Variants in NTNG1 observed in about 807,000 individuals in gnomAD.
NTNG1 encodes netrin G1.
A neutral mutation model predicts 54.0 loss-of-function variants in NTNG1; 16 were observed. The ratio of observed to expected loss-of-function variants is 0.30; its 90% confidence interval spans 0.20 to 0.45. The LOEUF is 0.45. NTNG1 is among the 20% of genes least tolerant of loss of function. NTNG1 has a pLI of 1.00. For synonymous variants in NTNG1, 255 were observed against 263.1 expected, an observed-to-expected ratio of 0.97 and a Z score of 0.30; for missense variants, 530 against 678.7, an observed-to-expected ratio of 0.78 and a Z score of 2.43.
chr1:107,206,138 T>C (rs1362973105), intron 2 of NTNG1, among the ~76,000 whole-genome samples: 1 of 152,082 alleles, frequency 6.6e-6, no homozygotes, highest in African/African-American at 2.4e-5. Flanking sequence ...GTCTAATTGC[T>C]GGGTCATAAT....
intron 3 of NTNG1, among the ~76,000 whole-genome samples, chr1:107,390,201 T>C (rs751182102): frequency 2.6e-5 from 4 of 152,124 alleles, no homozygotes; most frequent in South Asian, 4.1e-4. Context: ...AGCACAGCAA[T>C]TGTTACACTG....
At position 107,148,401 on chromosome 1, in the gene NTNG1, A is replaced by C. The variant is rs1654295536; in HGVS notation, c.-193A>C. ...AAGTCCTCAATATACCTGAATACGCACAATATCTTAACTCTTCATATTTGG... is the reference window on the plus strand; with the variant it reads ...AAGTCCTCAATATACCTGAATACGCCCAATATCTTAACTCTTCATATTTGG... On this transcript the variant is annotated 5_prime_UTR_variant, in exon 2 of 8. Coordinates refer to ENST00000370068, the MANE Select transcript of NTNG1 (RefSeq NM_001113226.3). The C allele has an allele frequency of 1.7e-6, 1 of 575,180 alleles. No homozygotes were observed. The highest frequency in any genetic ancestry group is 3.1e-5 in the Admixed American group (1 of 32,410). The allele number at this position is 575,180 out of a possible 1,614,324, so 35.6% of individuals were successfully genotyped here.
At chr1:107,141,894 A>C (rs1295583830) in intron 1 of NTNG1, among the ~76,000 whole-genome samples, 2 of 152,192 alleles carry the variant, frequency 1.3e-5, no homozygotes, top group East Asian at 3.9e-4. Context: ...AGCAAACAAA[A>C]AAAACAAAAA....
intron 3 of NTNG1, among the ~76,000 whole-genome samples, chr1:107,392,024 A>G (rs10494069): frequency 0.44 from 66,262 of 151,946 alleles, 14,919 homozygotes; most frequent in Middle Eastern, 0.53. Flanking sequence ...GGTACAATTT[A>G]CTAAGAAAGC....
chr1:107,212,130 G>GT lies in NTNG1; in HGVS notation c.246+63292dup, dbSNP rs1659636863. 2.6e-5 allele frequency among the ~76,000 whole-genome samples: 4 copies of GT among 152,282 alleles called. 1 individual carries two copies. The South Asian group carries it at 8.3e-4, about 32-fold the overall frequency. ...AAGCATTATATGAGAACTAGAAGGT[G>GT]TAGGGGAGTTGGTCAGAACTATAGA... On this transcript the variant is annotated intron_variant, in intron 2 of 7. Transcript: ENST00000370068.
In NTNG1 at chr1:107,148,778, A is replaced by G. The variant is rs2101013783; in HGVS notation, c.185A>G (p.Lys62Arg). The change falls in exon 2 of 8, where the codon AAA (lysine) becomes AGA (arginine). Residue 62 changes from lysine (K) to arginine (R), a missense_variant. By Grantham distance (26) the Lys-to-Arg change is conservative (BLOSUM62 2). This residue lies in a region of NTNG1 where 318 missense variants were observed against 465.1 expected (regional missense o/e 0.68). Transcript: ENST00000370068. ...TCCACGGACATGACAAAATATCTGA[A>G]AGTGAAACTCGATCCTCCGGATATT... ...PESTDMTKYL[K>R]VKLDPPDITC... 6.2e-7 allele frequency: 1 copy of G among 1,613,708 alleles called. No individual in the cohort carries two copies.
In NTNG1 at chr1:107,484,776, T is replaced by C. The variant is rs1678932035; in HGVS notation, c.*3936T>C. Reference sequence around the variant, plus strand: ...CATCTCCTTCACCCTCTACCATCAATAATCCAGTATGATTGGGATGTAAAG... The same window carrying C: ...CATCTCCTTCACCCTCTACCATCAACAATCCAGTATGATTGGGATGTAAAG... On this transcript the variant is annotated 3_prime_UTR_variant, in exon 8 of 8. Coordinates refer to ENST00000370068, the MANE Select transcript of NTNG1 (RefSeq NM_001113226.3). Among the ~76,000 whole-genome samples the C allele has an allele frequency of 6.6e-6, 1 of 152,194 alleles. No individual in the cohort carries two copies. Among genetic ancestry groups the C allele is most frequent in the Non-Finnish European group, 1.5e-5 (1 of 68,036 alleles).
At chr1:107,227,918 A>G (rs1660797971) in intron 2 of NTNG1, among the ~76,000 whole-genome samples, 1 of 152,204 alleles carries the variant, frequency 6.6e-6, no homozygotes, top group African/African-American at 2.4e-5. Flanking sequence ...AGTGATACTA[A>G]TTAGTTCTTC....
At chr1:107,214,834 G>A (rs1031752015) in intron 2 of NTNG1, among the ~76,000 whole-genome samples, 6 of 150,900 alleles carry the variant, frequency 4.0e-5, no homozygotes, top group African/African-American at 1.2e-4. Flanking sequence ...TCTTGCAGGA[G>A]TGAGGTGGTA....
chr1:107,230,684 G>A (rs1237521775), intron 2 of NTNG1, among the ~76,000 whole-genome samples: 1 of 152,092 alleles, frequency 6.6e-6, no homozygotes, highest in Non-Finnish European at 1.5e-5. Flanking sequence ...TTTACCTTGT[G>A]ATTTTCAAAC....
intron 7 of NTNG1, among the ~76,000 whole-genome samples, chr1:107,447,599 C>A (rs973587807): frequency 6.6e-6 from 1 of 152,022 alleles, no homozygotes; most frequent in Non-Finnish European, 1.5e-5. Flanking sequence ...TCTGAAGTAA[C>A]AATTTTAATA....
At chr1:107,157,543 A>G (rs1655090247) in intron 2 of NTNG1, among the ~76,000 whole-genome samples, 1 of 152,220 alleles carries the variant, frequency 6.6e-6, no homozygotes, top group South Asian at 2.1e-4. Context: ...ATGGAGTTTA[A>G]CCAAAAGAAT....
intron 2 of NTNG1, among the ~76,000 whole-genome samples, chr1:107,174,045 T>G (rs1656458380): frequency 6.6e-6 from 1 of 152,174 alleles, no homozygotes; most frequent in Admixed American, 6.5e-5. Flanking sequence ...GGATTGTTCT[T>G]ATTTAATCTT....
chr1:107,474,173 GA>G (rs1295918381), intron 7 of NTNG1, among the ~76,000 whole-genome samples: 3 of 152,130 alleles, frequency 2.0e-5, no homozygotes, highest in Non-Finnish European at 4.4e-5. Flanking sequence ...GTTGTATAAG[GA>G]TTTTAAAATG....
chr1:107,445,791 G>T (rs1416411689), intron 7 of NTNG1, among the ~76,000 whole-genome samples: 1 of 152,096 alleles, frequency 6.6e-6, no homozygotes, highest in Non-Finnish European at 1.5e-5. Context: ...CTATTGTACT[G>T]CCATAGACAA....
At chr1:107,305,781 T>C (rs533785881) in intron 2 of NTNG1, among the ~76,000 whole-genome samples, 245 of 152,310 alleles carry the variant, frequency 1.6e-3, no homozygotes, top group African/African-American at 5.6e-3. Flanking sequence ...TTTGTTGCCA[T>C]TGCTTTTGGT....
intron 3 of NTNG1, among the ~76,000 whole-genome samples, chr1:107,370,139 G>C (rs1193716563): frequency 2.0e-5 from 3 of 151,326 alleles, no homozygotes; most frequent in Admixed American, 2.0e-4. Context: ...TTGAAATCAG[G>C]TAGTGTTAAT....
intron 6 of NTNG1, among the ~76,000 whole-genome samples, chr1:107,432,582 C>G (rs2101344636): frequency 6.6e-6 from 1 of 152,196 alleles, no homozygotes; most frequent in Non-Finnish European, 1.5e-5. Context: ...ATGTAGTTGT[C>G]TGAATTTTGA....
chr1:107,340,384 T>G (rs1245707553), intron 3 of NTNG1, among the ~76,000 whole-genome samples: 1 of 152,054 alleles, frequency 6.6e-6, no homozygotes, highest in Non-Finnish European at 1.5e-5. Context: ...AGGCTCAATT[T>G]TCAATGCTAA....
Sources: allele counts gnomAD v4.1 joint callset (sites outside exome capture counted in the v4.1 genomes callset), GRCh38; gene constraint gnomAD v4.1.1; regional missense constraint gnomAD v4.1.1; transcripts MANE v1.5; gene names NCBI Gene and HGNC (gene_info 2026-07-23, HGNC 2026-07-21).